Variants in C8orf34 observed in about 807,000 individuals in gnomAD.
C8orf34 encodes the protein chromosome 8 open reading frame 34, also known as uncharacterized protein C8orf34.
A neutral mutation model predicts 68.3 loss-of-function variants in C8orf34; 65 were observed. The observed-to-expected ratio is 0.95, with a 90% CI of 0.78 to 1.17. The LOEUF (loss-of-function observed/expected upper bound fraction) is 1.17. Among genes scored for constraint, C8orf34 ranks in the 50% most tolerant of loss-of-function variants. C8orf34 has a pLI of 0.00. For synonymous variants in C8orf34, 244 were observed against 241.2 expected, an observed-to-expected ratio of 1.01 and a Z score of -0.11; for missense variants, 664 against 655.4, an observed-to-expected ratio of 1.01 and a Z score of -0.14.
chr8:68,458,524 T>G (rs931450123), intron 3 of C8orf34, among the ~76,000 whole-genome samples: 1 of 152,192 alleles, frequency 6.6e-6, no homozygotes, highest in Non-Finnish European at 1.5e-5. Flanking sequence ...TGATAACATA[T>G]AGTGATTAGC....
intron 5 of C8orf34, among the ~76,000 whole-genome samples, chr8:68,504,657 T>C (rs1053620210): frequency 1.3e-5 from 2 of 151,894 alleles, no homozygotes; most frequent in Non-Finnish European, 2.9e-5. Flanking sequence ...ATAGCTGGCA[T>C]TACATGCATG....
chr8:68,666,801 T>C (rs1819856501), intron 8 of C8orf34, among the ~76,000 whole-genome samples: 1 of 152,216 alleles, frequency 6.6e-6, no homozygotes, highest in African/African-American at 2.4e-5. Context: ...TTTCCTTCTT[T>C]TGCATTTAAA....
At chr8:68,468,657 C>T in intron 3 of C8orf34, 35 bp from the exon 4 acceptor site, 3 of 1,603,196 alleles carry the variant, frequency 1.9e-6, no homozygotes, top group Non-Finnish European at 2.6e-6. Context: ...CATTATGTAG[C>T]ATGCTTATGA....
intron 4 of C8orf34, among the ~76,000 whole-genome samples, chr8:68,483,453 C>T (rs1248419698): frequency 1.6e-4 from 24 of 151,860 alleles, no homozygotes; most frequent in Admixed American, 1.6e-3. Context: ...TCTTCCAGAC[C>T]CAGGGCTTAT....
At chr8:68,502,291 C>T (rs1813813237) in intron 5 of C8orf34, among the ~76,000 whole-genome samples, 1 of 152,088 alleles carries the variant, frequency 6.6e-6, no homozygotes, top group South Asian at 2.1e-4. Flanking sequence ...GAATCAGGTT[C>T]CCTTAGAATA....
At chr8:68,679,563 GA>G (rs553983210) in intron 8 of C8orf34, among the ~76,000 whole-genome samples, 3 of 151,934 alleles carry the variant, frequency 2.0e-5, no homozygotes, top group Non-Finnish European at 4.4e-5. Context: ...CACAGATATA[GA>G]AAAAAACCAC....
At chr8:68,584,834 T>C (rs1563544727) in intron 7 of C8orf34, among the ~76,000 whole-genome samples, 1 of 152,208 alleles carries the variant, frequency 6.6e-6, no homozygotes, top group Non-Finnish European at 1.5e-5. Flanking sequence ...GAATTGAGTT[T>C]TGATGAGACT....
At chr8:68,386,091 G>A (rs1444008261) in intron 1 of C8orf34, among the ~76,000 whole-genome samples, 1 of 152,082 alleles carries the variant, frequency 6.6e-6, no homozygotes, top group Admixed American at 6.6e-5. Context: ...ACTTTCTATA[G>A]AGATGAGGTC....
chr8:68,603,403 C>T (rs897531688), intron 7 of C8orf34, among the ~76,000 whole-genome samples: 1 of 151,994 alleles, frequency 6.6e-6, no homozygotes, highest in Non-Finnish European at 1.5e-5. Context: ...TTCATAATAT[C>T]TTCATTTATA....
intron 1 of C8orf34, among the ~76,000 whole-genome samples, chr8:68,358,718 T>A (rs1009739948): frequency 3.2e-4 from 49 of 152,018 alleles, no homozygotes; most frequent in African/African-American, 1.1e-3. Context: ...TATTTATTTT[T>A]TTTTTGAGAC....
intron 7 of C8orf34, among the ~76,000 whole-genome samples, chr8:68,559,202 C>T (rs1169556429): frequency 6.6e-6 from 1 of 152,120 alleles, no homozygotes; most frequent in Non-Finnish European, 1.5e-5. Flanking sequence ...TGCAGGAATA[C>T]AGGTGGAAGA....
intron 10 of C8orf34, among the ~76,000 whole-genome samples, chr8:68,771,467 G>A (rs1823333098): frequency 6.6e-6 from 1 of 152,128 alleles, no homozygotes; most frequent in Non-Finnish European, 1.5e-5. Flanking sequence ...TGATATCTCT[G>A]TATCTGAAGA....
At chr8:68,732,235 T>A (rs957271113) in intron 10 of C8orf34, among the ~76,000 whole-genome samples, 3 of 152,206 alleles carry the variant, frequency 2.0e-5, no homozygotes, top group Admixed American at 2.0e-4. Flanking sequence ...TTACCAGGAA[T>A]CTCCTAAACT....
At chr8:68,748,077 C>T (rs1469459640) in intron 10 of C8orf34, among the ~76,000 whole-genome samples, 8 of 148,592 alleles carry the variant, frequency 5.4e-5, no homozygotes, top group Non-Finnish European at 1.0e-4. Context: ...TCAGAAATAA[C>T]ACCGCATATC....
At chr8:68,693,756 G>A (rs1820748179) in intron 8 of C8orf34, among the ~76,000 whole-genome samples, 1 of 152,106 alleles carries the variant, frequency 6.6e-6, no homozygotes, top group Admixed American at 6.6e-5. Context: ...AAGAATTTGA[G>A]TTTCAGCATC....
chr8:68,386,070 T>G (rs7013597), intron 1 of C8orf34, among the ~76,000 whole-genome samples: 1 of 151,794 alleles, frequency 6.6e-6, no homozygotes, highest in Non-Finnish European at 1.5e-5. Context: ...CCACACTTGG[T>G]TAAGGTTTTG....
chr8:68,559,027 T>C (rs138706202), intron 7 of C8orf34, among the ~76,000 whole-genome samples: 3 of 152,266 alleles, frequency 2.0e-5, no homozygotes, highest in African/African-American at 4.8e-5. Context: ...GTTAGAAAGG[T>C]GGGTTTTCTT....
At chr8:68,631,497 T>C (rs1019826559) in intron 7 of C8orf34, among the ~76,000 whole-genome samples, 5 of 152,154 alleles carry the variant, frequency 3.3e-5, no homozygotes, top group African/African-American at 4.8e-5. Context: ...ATTATCTCCC[T>C]TTATCATCTA....
rs565648064 is a variant in C8orf34, at chr8:68,797,815, T to C, written c.1549+10279T>C. 7.2e-5 allele frequency among the ~76,000 whole-genome samples: 11 copies of C among 152,280 alleles called. No individual in the cohort carries two copies. The South Asian group carries it at 2.3e-3, about 32-fold the overall frequency. ...GATAAGTGTCAGGGCTTCATGAGGATTGTGGCATCAGAAATAGGCACTAGA... is the reference window on the plus strand; with the variant it reads ...GATAAGTGTCAGGGCTTCATGAGGACTGTGGCATCAGAAATAGGCACTAGA... On this transcript the variant is annotated intron_variant, in intron 12 of 13. Transcript: ENST00000518698.
Sources: allele counts gnomAD v4.1 joint callset (sites outside exome capture counted in the v4.1 genomes callset), GRCh38; gene constraint gnomAD v4.1.1; transcripts MANE v1.5; gene names NCBI Gene and HGNC (gene_info 2026-07-23, HGNC 2026-07-21).